ATP9A: variants seen among roughly 807,000 people sequenced by gnomAD.
ATP9A encodes probable phospholipid-transporting ATPase IIA.
ATP9A carries 52 observed loss-of-function variants against 144.1 expected under a neutral mutation model. That is an observed-to-expected ratio of 0.36 (90% CI 0.29 to 0.45). The LOEUF (loss-of-function observed/expected upper bound fraction) is 0.45, where lower values mean the gene tolerates loss of function less well. Ranked by LOEUF, ATP9A falls within the 20% of genes least tolerant of loss-of-function variation. The pLI is 1.00. For missense variants in ATP9A, 947 were observed against 1,392.7 expected (o/e 0.68, Z 5.09); for synonymous variants, 582 against 557.4 (o/e 1.04, Z -0.62).
At chr20:51,667,633 T>C (rs1209370216) in intron 13 of ATP9A, among the ~76,000 whole-genome samples, 1 of 151,974 alleles carries the variant, frequency 6.6e-6, no homozygotes. Flanking sequence ...ACAGAGCTGA[T>C]GGTACCGAGA....
intron 3 of ATP9A, among the ~76,000 whole-genome samples, chr20:51,715,325 T>C (rs1178813009): frequency 2.6e-5 from 4 of 152,204 alleles, no homozygotes; most frequent in Admixed American, 1.3e-4. Context: ...AACTGGTACA[T>C]TTCAGAATCA....
intron 14 of ATP9A, among the ~76,000 whole-genome samples, chr20:51,654,902 A>G (rs748148373): frequency 5.3e-5 from 8 of 152,178 alleles, no homozygotes; most frequent in Non-Finnish European, 5.9e-5. Flanking sequence ...TAAGTCACAC[A>G]CTATACTGTG....
In ATP9A at chr20:51,689,172, C is replaced by G. The variant is rs764812709; in HGVS notation, c.724-33G>C. 8.8e-6 allele frequency: 14 copies of G among 1,599,680 alleles called. No individual in the cohort carries two copies. The South Asian group carries it at 8.8e-5, about 10-fold the overall frequency. The stretch of plus-strand genomic sequence containing the variant: ...AGACCAAACGGACACACGTTCACCC[C>G]CCAAAGCTTCCCCAGAATCCACAGG... On this transcript the variant is annotated intron_variant, in intron 8 of 27. Transcript: ENST00000338821.
chr20:51,618,602 G>A, intron 21 of ATP9A, 60 bp downstream of exon 21: 3 of 1,550,784 alleles, frequency 1.9e-6, no homozygotes, highest in Non-Finnish European at 2.6e-6. Flanking sequence ...TATCCTTAGG[G>A]AAAGGGAGCC....
intron 11 of ATP9A, 43 bp downstream of exon 11, chr20:51,674,110 G>A: frequency 1.3e-6 from 2 of 1,586,712 alleles, no homozygotes; most frequent in Non-Finnish European, 1.7e-6. Flanking sequence ...GTAAAGAGAA[G>A]AAGATGTCAC....
At chr20:51,689,804 G>T (rs1183958651) in intron 8 of ATP9A, among the ~76,000 whole-genome samples, 1 of 150,926 alleles carries the variant, frequency 6.6e-6, no homozygotes, top group African/African-American at 2.4e-5. Context: ...TGGCAGATAG[G>T]ATTTGTATGA....
chr20:51,671,385 C>T (rs919458702), intron 11 of ATP9A, 128 bp from the exon 12 acceptor site: 16 of 1,103,190 alleles, frequency 1.5e-5, no homozygotes, highest in Middle Eastern at 4.2e-4. Context: ...AGCACACTGC[C>T]AGAGCTGAAC....
intron 9 of ATP9A, among the ~76,000 whole-genome samples, chr20:51,684,673 G>A (rs1267858101): frequency 1.5e-5 from 2 of 134,788 alleles, no homozygotes; most frequent in African/African-American, 5.6e-5. Flanking sequence ...TCCAGCCTGG[G>A]TGAAACAGTG....
chr20:51,745,324 A>C (rs781576591), intron 1 of ATP9A, among the ~76,000 whole-genome samples: 1 of 151,316 alleles, frequency 6.6e-6, no homozygotes, highest in Non-Finnish European at 1.5e-5. Flanking sequence ...AGTCCCAGCT[A>C]TTGGGGAGAC....
intron 9 of ATP9A, among the ~76,000 whole-genome samples, chr20:51,686,506 T>C (rs1442296574): frequency 6.6e-6 from 1 of 152,162 alleles, no homozygotes. Flanking sequence ...GAAAGTTTGA[T>C]ATTCTTTCCT....
At chr20:51,649,253 A>C (rs890575840) in intron 14 of ATP9A, among the ~76,000 whole-genome samples, 27 of 152,072 alleles carry the variant, frequency 1.8e-4, no homozygotes, top group African/African-American at 6.5e-4. Context: ...GCACTTCAGG[A>C]GTTTACAAAG....
chr20:51,640,312 G>A (rs1407237754), intron 14 of ATP9A, among the ~76,000 whole-genome samples: 2 of 152,144 alleles, frequency 1.3e-5, no homozygotes, highest in Non-Finnish European at 2.9e-5. Context: ...GGGGACCCGC[G>A]CCAACATCTG....
intron 3 of ATP9A, among the ~76,000 whole-genome samples, chr20:51,716,076 T>C (rs891614769): frequency 3.9e-5 from 6 of 152,064 alleles, no homozygotes; most frequent in Non-Finnish European, 8.8e-5. Context: ...CCTGGGGTGA[T>C]GGAAATGTTC....
chr20:51,710,894 T>C (rs1416454092), intron 4 of ATP9A, among the ~76,000 whole-genome samples: 1 of 152,174 alleles, frequency 6.6e-6, no homozygotes, highest in South Asian at 2.1e-4. Flanking sequence ...GAAGCCCGGA[T>C]GGATGAATGA....
intron 9 of ATP9A, among the ~76,000 whole-genome samples, chr20:51,678,305 T>C (rs1208258723): frequency 6.6e-6 from 1 of 152,058 alleles, no homozygotes; most frequent in Non-Finnish European, 1.5e-5. Flanking sequence ...TTCTCTGTGC[T>C]CTCTCCCCCT....
chr20:51,613,237 A>C (rs1486529785), intron 23 of ATP9A, among the ~76,000 whole-genome samples: 1 of 152,228 alleles, frequency 6.6e-6, no homozygotes, highest in African/African-American at 2.4e-5. Context: ...CCTCTGCAAA[A>C]GGTGAAAAAC....
chr20:51,610,827 G>T (rs759791147), intron 23 of ATP9A, among the ~76,000 whole-genome samples: 2 of 152,140 alleles, frequency 1.3e-5, no homozygotes, highest in African/African-American at 4.8e-5. Flanking sequence ...TACATGTTTC[G>T]GTATTTGGGG....
At chr20:51,613,641 C>G (rs1046004953) in intron 23 of ATP9A, 36 bp downstream of exon 23, 1 of 1,590,326 alleles carries the variant, frequency 6.3e-7, no homozygotes, top group Middle Eastern at 1.7e-4. Flanking sequence ...GGTATAGCCA[C>G]AGGCACATGT....
Position 51,729,321 on chromosome 20 carries a change from A to C in ATP9A, c.213+513T>G, listed in dbSNP as rs186696680. Among the ~76,000 whole-genome samples, 1,035 of 152,162 alleles carry C rather than the reference A, an allele frequency of 6.8e-3. 9 individuals carry two copies. The highest frequency in any genetic ancestry group is 0.024 in the African/African-American group (983 of 41,508). On this transcript the variant is annotated intron_variant, in intron 2 of 27. Coordinates refer to ENST00000338821, the MANE Select transcript of ATP9A (RefSeq NM_006045.3). The stretch of plus-strand genomic sequence containing the variant: ...GGTCACAGCCTTGCAGAGAGAAGGC[A>C]GGTGCCCCCTCCACCCCACCCCACC...
Sources: allele counts gnomAD v4.1 joint callset (sites outside exome capture counted in the v4.1 genomes callset), GRCh38; gene constraint gnomAD v4.1.1; transcripts MANE v1.5; gene names NCBI Gene and HGNC (gene_info 2026-07-23, HGNC 2026-07-21).